HHLA2: variants seen among roughly 807,000 people sequenced by gnomAD.
HHLA2 encodes the protein HHLA2 member of B7 family.
HHLA2 carries 48 observed loss-of-function variants against 45.9 expected under a neutral mutation model. The ratio of observed to expected loss-of-function variants is 1.05; its 90% CI spans 0.83 to 1.33. The LOEUF is 1.33. Ranked by LOEUF, HHLA2 falls within the 40% of genes most tolerant of loss-of-function variation. The pLI, the probability that HHLA2 is intolerant of heterozygous loss-of-function variation, is 0.00. For missense variants in HHLA2, 462 were observed against 494.3 expected (o/e 0.93, Z 0.62); for synonymous variants, 161 against 173.9 (o/e 0.93, Z 0.59).
At chr3:108,321,541 C>T (rs2081202640) in intron 2 of HHLA2, among the ~76,000 whole-genome samples, 1 of 152,032 alleles carries the variant, frequency 6.6e-6, no homozygotes, top group South Asian at 2.1e-4. Context: ...CACTATGATT[C>T]CTGGCCCTTT....
chr3:108,299,580 T>A (rs1460896670), intron 1 of HHLA2, among the ~76,000 whole-genome samples: 1 of 152,054 alleles, frequency 6.6e-6, no homozygotes, highest in Non-Finnish European at 1.5e-5. Flanking sequence ...AGTGCAGGAA[T>A]CTATGGAAAT....
chr3:108,328,842 A>G (rs2081336263), intron 3 of HHLA2, among the ~76,000 whole-genome samples: 1 of 152,070 alleles, frequency 6.6e-6, no homozygotes, highest in African/African-American at 2.4e-5. Flanking sequence ...ATTTGTGTTC[A>G]CTCATTGCTG....
At chr3:108,350,512 T>C (rs574954852) in intron 3 of HHLA2, among the ~76,000 whole-genome samples, 3 of 152,330 alleles carry the variant, frequency 2.0e-5, no homozygotes, top group Non-Finnish European at 4.4e-5. Flanking sequence ...TTAAAAAAAT[T>C]GTTATTTTAA....
exon 5 of HHLA2, chr3:108,353,733 G>C (rs780032909): frequency 6.2e-7 from 1 of 1,613,286 alleles, no homozygotes. Context: ...TGCTATGTAG[G>C]AACAGCAATT....
At chr3:108,362,096 A>G (rs78109596) in intron 7 of HHLA2, among the ~76,000 whole-genome samples, 1,556 of 152,304 alleles carry the variant, frequency 0.01, 35 homozygotes, top group African/African-American at 0.035. Flanking sequence ...CACAATAGAT[A>G]CACTGAGACT....
At chr3:108,363,680 A>G (rs1453477342) in intron 8 of HHLA2, among the ~76,000 whole-genome samples, 2 of 152,190 alleles carry the variant, frequency 1.3e-5, no homozygotes, top group African/African-American at 4.8e-5. Context: ...TTGACCTAAT[A>G]TACTGATATT....
intron 3 of HHLA2, among the ~76,000 whole-genome samples, chr3:108,330,774 C>T (rs547822113): frequency 1.3e-5 from 2 of 152,288 alleles, no homozygotes; most frequent in East Asian, 3.9e-4. Flanking sequence ...GGTAAAAACC[C>T]TGAGTGGAGG....
At chr3:108,376,275 T>C (rs2082273519) in intron 9 of HHLA2, among the ~76,000 whole-genome samples, 1 of 152,138 alleles carries the variant, frequency 6.6e-6, no homozygotes, top group African/African-American at 2.4e-5. Flanking sequence ...CTGCCTTTAT[T>C]CCCCGGCTTT....
intron 3 of HHLA2, among the ~76,000 whole-genome samples, chr3:108,337,504 A>C (rs2081493863): frequency 6.6e-6 from 1 of 152,130 alleles, no homozygotes; most frequent in East Asian, 1.9e-4. Context: ...GTCTATGTGG[A>C]ATCTATGTGT....
At chr3:108,351,079 C>G (rs918272359) in intron 3 of HHLA2, among the ~76,000 whole-genome samples, 1 of 152,190 alleles carries the variant, frequency 6.6e-6, no homozygotes, top group Non-Finnish European at 1.5e-5. Context: ...TAAAAATTAA[C>G]TTTAATCCTA....
chr3:108,355,345 C>T (rs746563978), exon 6 of HHLA2: 1 of 1,613,730 alleles, frequency 6.2e-7, no homozygotes, highest in Admixed American at 1.7e-5. Context: ...AAATTCACTG[C>T]TGAAGCAAAC....
intron 8 of HHLA2, among the ~76,000 whole-genome samples, chr3:108,371,382 T>C (rs1051996824): frequency 7.9e-5 from 12 of 152,098 alleles, no homozygotes; most frequent in African/African-American, 2.9e-4. Flanking sequence ...GGCCAAATTG[T>C]AAAGACCATC....
At chr3:108,368,269 G>A (rs2082100587) in intron 8 of HHLA2, among the ~76,000 whole-genome samples, 1 of 151,860 alleles carries the variant, frequency 6.6e-6, no homozygotes, top group South Asian at 2.1e-4. Flanking sequence ...ATAATATAAA[G>A]ACCAACAACA....
intron 2 of HHLA2, among the ~76,000 whole-genome samples, chr3:108,323,771 T>C (rs1462214140): frequency 1.3e-5 from 2 of 152,222 alleles, no homozygotes; most frequent in African/African-American, 2.4e-5. Context: ...TTCCATTTTT[T>C]AGTAGTGCTC....
chr3:108,346,737 G>A (rs2081667500), intron 3 of HHLA2, among the ~76,000 whole-genome samples: 1 of 152,168 alleles, frequency 6.6e-6, no homozygotes, highest in African/African-American at 2.4e-5. Flanking sequence ...TTGTGAAATG[G>A]TTTTGAGCGT....
chr3:108,328,336 G>C, exon 3 of HHLA2: 1 of 1,530,562 alleles, frequency 6.5e-7, no homozygotes, highest in Non-Finnish European at 8.7e-7. Flanking sequence ...AGCCTAGAAC[G>C]CACCTCCTCT....
intron 2 of HHLA2, among the ~76,000 whole-genome samples, chr3:108,312,361 G>C (rs1359172136): frequency 6.6e-6 from 1 of 152,168 alleles, no homozygotes; most frequent in Non-Finnish European, 1.5e-5. Context: ...TCCCTGGCTG[G>C]ACCTTGCAGA....
chr3:108,341,855 T>G (rs1415589781), intron 3 of HHLA2, among the ~76,000 whole-genome samples: 1 of 152,174 alleles, frequency 6.6e-6, no homozygotes, highest in Non-Finnish European at 1.5e-5. Context: ...CTGTCATCCT[T>G]GTTACTGTGA....
Position 108,358,160 on chromosome 3 carries a change from A to AG in HHLA2, c.1003+1dup. On this transcript the variant is annotated frameshift_variant and splice_region_variant, in exon 7 of 11. Transcript: ENST00000619531. LOFTEE classifies it high-confidence loss of function. ...TACTTACCATCCACACAGTGCATGT[A>AG]GGTAAGTTGCAAGTAGGTTTGGATA... 6.3e-7 allele frequency: 1 copy of AG among 1,594,980 alleles called. No individual in the cohort carries two copies. Among genetic ancestry groups the AG allele is most frequent in the Non-Finnish European group, 8.6e-7 (1 of 1,167,828 alleles).
Sources: allele counts gnomAD v4.1 joint callset (sites outside exome capture counted in the v4.1 genomes callset), GRCh38; gene constraint gnomAD v4.1.1; transcripts MANE v1.5; gene names NCBI Gene and HGNC (gene_info 2026-07-23, HGNC 2026-07-21).